Variants in HPS3 observed in about 807,000 individuals in gnomAD.
The protein encoded by HPS3 is BLOC-2 complex member HPS3.
Under a neutral mutation model 110.9 loss-of-function variants are expected in HPS3, and 79 were observed. The ratio of observed to expected loss-of-function variants is 0.71; its 90% CI spans 0.59 to 0.86. HPS3 has a LOEUF of 0.86. Among genes scored for constraint, HPS3 ranks in the 40% least tolerant of loss-of-function variants. The pLI is 0.00. For synonymous variants in HPS3, 428 were observed against 451.0 expected (o/e 0.95, Z 0.65); for missense variants, 1,197 against 1,206.2 (o/e 0.99, Z 0.11).
chr3:149,139,927 A>C lies in HPS3; in HGVS notation c.218-77A>C, dbSNP rs17787099. The C allele has an allele frequency of 0.032, 41,616 of 1,299,672 alleles. 856 individuals are homozygous for C. Among genetic ancestry groups the C allele is most frequent in the African/African-American group, 0.083 (5,655 of 67,908 alleles). 80.5% of individuals were successfully genotyped at this position (1,299,672 alleles called of 1,614,324 possible). On this transcript the variant is annotated intron_variant, in intron 1 of 16. Coordinates refer to ENST00000296051, the MANE Select transcript of HPS3 (RefSeq NM_032383.5). ...TCGACCATTTGTGTTAGAATTCATT[A>C]ATAGTACTCATGTCAGCAAGGGAGG...
intron 5 of HPS3, among the ~76,000 whole-genome samples, chr3:149,148,949 C>CTT (rs140573513): frequency 6.9e-4 from 71 of 102,474 alleles, no homozygotes; most frequent in Non-Finnish European, 8.3e-4. Flanking sequence ...GGAACCCTGC[C>CTT]TTTTTTTTTT....
In HPS3 at chr3:149,129,884, C is replaced by T. The variant is rs759717409; in HGVS notation, c.161C>T (p.Pro54Leu). The change falls in exon 1 of 17, where the codon CCG (proline) becomes CTG (leucine). Residue 54 changes from proline (P) to leucine (L), a missense_variant. Physicochemically the swap from Pro to Leu is moderately conservative, Grantham distance 98. Coordinates refer to ENST00000296051, the MANE Select transcript of HPS3 (RefSeq NM_032383.5). ...GTGGCCGGCCAGGAGCTGTGCCAGC[C>T]GCGGTGCGCCTTCTCCACGCTGGGC... is the stretch of plus-strand genomic sequence containing the variant. ...FAVAGQELCQPRCAFSTLGRV... is the reference protein window; with the variant it reads ...FAVAGQELCQLRCAFSTLGRV... The T allele has an allele frequency of 5.0e-6, 8 of 1,589,662 alleles. No homozygotes were observed. The African/African-American group carries it at 8.1e-5, about 16-fold the overall frequency.
chr3:149,168,343 A>G (rs997357607), intron 16 of HPS3: 4 of 221,490 alleles, frequency 1.8e-5, no homozygotes, highest in African/African-American at 7.0e-5. Context: ...GATCATTACT[A>G]TTAAACATAA....
Position 149,140,438 on chromosome 3 carries a change from GGA to G in HPS3, c.660_661del (p.Arg220SerfsTer7), listed in dbSNP as rs1363164647. On this transcript the variant is annotated frameshift_variant, in exon 2 of 17. Coordinates refer to ENST00000296051, the MANE Select transcript of HPS3 (RefSeq NM_032383.5). LOFTEE classifies it high-confidence loss of function. ...AAAACTGGAGTCAGGCCCTAAAAAT[GGA>G]GAGAGAGTTCACCACCATCCACATA... The part of the protein sequence containing the change: ...IVKLESGPKN[G>X]ERVHHHPHKT... 6 of 1,612,866 alleles carry G rather than the reference GGA, an allele frequency of 3.7e-6. No homozygotes were observed. The highest frequency in any genetic ancestry group is 1.3e-5 in the African/African-American group (1 of 74,942).
chr3:149,142,680 A>G (rs1030953733), intron 4 of HPS3, among the ~76,000 whole-genome samples: 1 of 152,110 alleles, frequency 6.6e-6, no homozygotes, highest in Non-Finnish European at 1.5e-5. Flanking sequence ...GTAAATATTT[A>G]TTGAGTACCT....
chr3:149,157,262 A>G, intron 8 of HPS3, 88 bp from the exon 9 acceptor site: 1 of 1,150,746 alleles, frequency 8.7e-7, no homozygotes, highest in Non-Finnish European at 1.3e-6. Context: ...TGTTAACTTT[A>G]CTAACAAAAT....
chr3:149,169,067 T>A (rs1724721410), intron 16 of HPS3, among the ~76,000 whole-genome samples: 1 of 148,474 alleles, frequency 6.7e-6, no homozygotes, highest in Admixed American at 6.6e-5. Flanking sequence ...GTATGGCTAA[T>A]GAGACTAAGT....
intron 1 of HPS3, among the ~76,000 whole-genome samples, chr3:149,137,636 A>C (rs554498404): frequency 6.6e-6 from 1 of 152,326 alleles, no homozygotes; most frequent in East Asian, 1.9e-4. Flanking sequence ...ATAGAGTATT[A>C]TTTGGCCTTA....
At chr3:149,152,345 C>G (rs1005032843) in intron 6 of HPS3, among the ~76,000 whole-genome samples, 2 of 151,890 alleles carry the variant, frequency 1.3e-5, no homozygotes, top group African/African-American at 4.8e-5. Flanking sequence ...ATCAATGTAC[C>G]TTTGGAAAAA....
chr3:149,141,077 T>G lies in HPS3; in HGVS notation c.773T>G (p.Leu258Arg), dbSNP rs1722412480. 1 of 1,613,790 alleles carries G rather than the reference T, an allele frequency of 6.2e-7. No individual in the cohort carries two copies. The highest frequency in any genetic ancestry group is 8.5e-7 in the Non-Finnish European group (1 of 1,179,848). The change falls in exon 3 of 17, where the codon CTG (leucine) becomes CGG (arginine). Residue 258 changes from leucine to arginine, a missense_variant. By Grantham distance (102) the Leu-to-Arg change is moderately radical. Coordinates refer to ENST00000296051, the MANE Select transcript of HPS3 (RefSeq NM_032383.5). ...SDDFVICQKP[L>R]ELLGEKSEQS... ...GATTTTGTCATCTGCCAGAAGCCCCTGGAACTTCTTGGTGAAAAAAGTGAA... is the reference window on the plus strand; with the variant it reads ...GATTTTGTCATCTGCCAGAAGCCCCGGGAACTTCTTGGTGAAAAAAGTGAA...
rs114487612 is a variant in HPS3 at position 149,151,326 on chromosome 3, C to T, written c.1245+646C>T. On this transcript the variant is annotated intron_variant, in intron 6 of 16. Transcript: ENST00000296051. The stretch of plus-strand genomic sequence containing the variant: ...GGGATTACAGGCATGAACCACCATG[C>T]CTGGCCCAATTGTATTTTACTAAAT... Among the ~76,000 whole-genome samples the T allele has an allele frequency of 3.2e-3, 493 of 151,932 alleles. 4 individuals are homozygous for T. The highest frequency in any genetic ancestry group is 5.2e-3 in the Non-Finnish European group (353 of 67,964).
Position 149,167,253 on chromosome 3 carries a change from A to C in HPS3, c.2796+13A>C. On this transcript the variant is annotated intron_variant, in intron 15 of 16. Coordinates refer to ENST00000296051, the MANE Select transcript of HPS3 (RefSeq NM_032383.5). ...AGAAGAGAACCGGGTATGCTTTTTC[A>C]GATTATGTTTTTAGGCTTGATCAGT... The C allele has an allele frequency of 6.3e-7, 1 of 1,599,806 alleles. No homozygotes were observed. The highest frequency in any genetic ancestry group is 2.2e-5 in the East Asian group (1 of 44,522).
intron 6 of HPS3, 50 bp downstream of exon 6, chr3:149,150,730 A>C: frequency 7.3e-7 from 1 of 1,374,550 alleles, no homozygotes. Flanking sequence ...ACAAGGGAGC[A>C]CATGAATACT....
intron 1 of HPS3, among the ~76,000 whole-genome samples, chr3:149,133,106 C>T (rs1406122706): frequency 5.3e-5 from 8 of 152,006 alleles, no homozygotes; most frequent in South Asian, 2.1e-4. Flanking sequence ...CAAAAGACAA[C>T]GAAGATTTAG....
chr3:149,161,583 T>C (rs1559921896), intron 11 of HPS3, among the ~76,000 whole-genome samples: 1 of 149,952 alleles, frequency 6.7e-6, no homozygotes, highest in South Asian at 2.1e-4. Flanking sequence ...AATCTCAGCT[T>C]ACTGCAACCT....
rs745636805 is a variant in HPS3, at chr3:149,167,266, A to C, written c.2796+26A>C. 4.5e-6 allele frequency: 7 copies of C among 1,555,396 alleles called. No homozygotes were observed. The Middle Eastern group carries it at 6.0e-4, about 132-fold the overall frequency. On this transcript the variant is annotated intron_variant, in intron 15 of 16. Coordinates refer to ENST00000296051, the MANE Select transcript of HPS3 (RefSeq NM_032383.5). ...GTATGCTTTTTCAGATTATGTTTTT[A>C]GGCTTGATCAGTGATAATCAGATCT...
chr3:149,129,890 G>T lies in HPS3; in HGVS notation c.167G>T (p.Cys56Phe). 1 of 1,587,220 alleles carries T rather than the reference G, an allele frequency of 6.3e-7. No homozygotes were observed. The change falls in exon 1 of 17, where the codon TGC (cysteine) becomes TTC (phenylalanine). Residue 56 changes from cysteine to phenylalanine, a missense_variant. Coordinates refer to ENST00000296051, the MANE Select transcript of HPS3 (RefSeq NM_032383.5). ...GGCCAGGAGCTGTGCCAGCCGCGGTGCGCCTTCTCCACGCTGGGCCGGGTG... is the reference window on the plus strand; with the variant it reads ...GGCCAGGAGCTGTGCCAGCCGCGGTTCGCCTTCTCCACGCTGGGCCGGGTG... Reference protein sequence around the residue: ...VAGQELCQPRCAFSTLGRVLR... With the variant: ...VAGQELCQPRFAFSTLGRVLR...
intron 11 of HPS3, among the ~76,000 whole-genome samples, chr3:149,160,721 C>T (rs182400685): frequency 6.6e-6 from 1 of 152,254 alleles, no homozygotes; most frequent in East Asian, 1.9e-4. Context: ...GAGGATTGGA[C>T]ATTTGAATGG....
intron 16 of HPS3, 106 bp downstream of exon 16, chr3:149,168,089 C>G: frequency 6.9e-6 from 5 of 727,248 alleles, no homozygotes. Context: ...AACCGAGGGC[C>G]TTTCAGAACC....
Sources: gnomAD v4.1 joint callset for allele counts (sites outside exome capture counted in the v4.1 genomes callset) on GRCh38, gnomAD v4.1.1 for gene constraint, MANE v1.5 for transcripts, NCBI Gene and HGNC (gene_info 2026-07-23, HGNC 2026-07-21) for gene names.